The following MTSS1 variants were observed in gnomAD, a reference collection of about 807,000 sequenced individuals.
MTSS1 encodes the protein protein MTSS 1.
MTSS1 carries 18 observed loss-of-function variants against 79.0 expected under a neutral mutation model. That is an observed-to-expected ratio of 0.23 (90% CI 0.16 to 0.34). The LOEUF is 0.34. MTSS1 is among the 10% of genes least tolerant of loss of function. MTSS1 has a pLI of 1.00. For missense variants in MTSS1, 815 were observed against 986.2 expected (o/e 0.83, Z 2.33); for synonymous variants, 341 against 368.6 (o/e 0.93, Z 0.86).
chr8:124,623,216 A>G (rs139563811), intron 3 of MTSS1, among the ~76,000 whole-genome samples: 2 of 152,326 alleles, frequency 1.3e-5, no homozygotes, highest in Admixed American at 1.3e-4. Context: ...TTGTCTTCTG[A>G]ACTCACACAC....
chr8:124,677,994 G>A (rs576237459), intron 3 of MTSS1, among the ~76,000 whole-genome samples: 1 of 152,150 alleles, frequency 6.6e-6, no homozygotes, highest in East Asian at 1.9e-4. Context: ...TCTAGTACTG[G>A]TCATGCTGCC....
At chr8:124,670,807 A>G (rs773924288) in intron 3 of MTSS1, among the ~76,000 whole-genome samples, 4 of 152,190 alleles carry the variant, frequency 2.6e-5, no homozygotes, top group Non-Finnish European at 4.4e-5. Context: ...AAAAGTCCAG[A>G]GACCGCAGAT....
chr8:124,585,311 A>C, intron 5 of MTSS1, 150 bp from the exon 6 acceptor site: 1 of 646,802 alleles, frequency 1.5e-6, no homozygotes, highest in Non-Finnish European at 2.7e-6. Flanking sequence ...TAATCTCATG[A>C]TGACATTTAC....
At chr8:124,674,879 G>C (rs1487989520) in intron 3 of MTSS1, among the ~76,000 whole-genome samples, 3 of 152,014 alleles carry the variant, frequency 2.0e-5, no homozygotes, top group African/African-American at 7.3e-5. Context: ...ATGTCACCAT[G>C]CCTGGTTAAT....
At chr8:124,638,222 T>G (rs929700237) in intron 3 of MTSS1, among the ~76,000 whole-genome samples, 1 of 152,232 alleles carries the variant, frequency 6.6e-6, no homozygotes, top group African/African-American at 2.4e-5. Context: ...TTATTTCACC[T>G]TATCACAGAG....
intron 1 of MTSS1, among the ~76,000 whole-genome samples, chr8:124,717,156 C>T (rs543085025): frequency 1.3e-3 from 204 of 152,232 alleles, no homozygotes; most frequent in African/African-American, 3.6e-3. Context: ...GTTGCTCTAA[C>T]GCCACCTCCT....
At chr8:124,600,768 G>A (rs1423673066) in intron 3 of MTSS1, among the ~76,000 whole-genome samples, 1 of 152,230 alleles carries the variant, frequency 6.6e-6, no homozygotes, top group Non-Finnish European at 1.5e-5. Context: ...GCAAAGGGCA[G>A]CTTTCAAGAA....
chr8:124,701,173 G>A (rs1829644095), intron 2 of MTSS1, among the ~76,000 whole-genome samples: 1 of 152,124 alleles, frequency 6.6e-6, no homozygotes, highest in Non-Finnish European at 1.5e-5. Context: ...GGAGGTCAAG[G>A]GTGCAGTGAG....
Position 124,701,756 on chromosome 8 carries a change from G to A in MTSS1, c.135-2157C>T, listed in dbSNP as rs961706534. Among the ~76,000 whole-genome samples the A allele has an allele frequency of 1.4e-4, 22 of 152,314 alleles. No individual in the cohort carries two copies. In the East Asian group the frequency reaches 1.5e-3, roughly 11 times the overall value. On this transcript the variant is annotated intron_variant, in intron 2 of 13. Coordinates refer to ENST00000518547, the MANE Select transcript of MTSS1 (RefSeq NM_014751.6). ...TGGCAGTCATATTTCACTGTCCGCT[G>A]TAGTCACAAGACATCTTGGCCCTCT...
chr8:124,619,928 A>G (rs1813139019), intron 3 of MTSS1, among the ~76,000 whole-genome samples: 1 of 133,770 alleles, frequency 7.5e-6, no homozygotes, highest in African/African-American at 3.5e-5. Context: ...TTACAGCACA[A>G]CTGTTTTTCT....
chr8:124,555,952 T>C, intron 12 of MTSS1, 48 bp from the exon 13 acceptor site: 21 of 1,572,126 alleles, frequency 1.3e-5, no homozygotes, highest in Non-Finnish European at 1.8e-5. Flanking sequence ...GGGGGGGGGC[T>C]CAACAGCACT....
chr8:124,708,437 T>C (rs1225688484), intron 1 of MTSS1, among the ~76,000 whole-genome samples: 2 of 152,108 alleles, frequency 1.3e-5, no homozygotes, highest in Non-Finnish European at 2.9e-5. Flanking sequence ...CCTTTTAGAG[T>C]ACCTGGTGTG....
intron 3 of MTSS1, among the ~76,000 whole-genome samples, chr8:124,603,539 T>C (rs1834287080): frequency 6.6e-6 from 1 of 152,226 alleles, no homozygotes; most frequent in Non-Finnish European, 1.5e-5. Context: ...ACAAACTGTG[T>C]TCCTCTGGCT....
At chr8:124,619,750 A>C (rs193085370) in intron 3 of MTSS1, among the ~76,000 whole-genome samples, 1 of 152,276 alleles carries the variant, frequency 6.6e-6, no homozygotes, top group African/African-American at 2.4e-5. Context: ...TGGCACCAGA[A>C]GGGCTTCTAG....
intron 3 of MTSS1, among the ~76,000 whole-genome samples, chr8:124,649,432 G>A (rs1254998289): frequency 1.3e-5 from 2 of 152,158 alleles, no homozygotes; most frequent in Admixed American, 6.5e-5. Context: ...TGAGATGGGA[G>A]CTATGCTTCC....
At chr8:124,643,280 A>T (rs1818395656) in intron 3 of MTSS1, among the ~76,000 whole-genome samples, 1 of 152,226 alleles carries the variant, frequency 6.6e-6, no homozygotes, top group Non-Finnish European at 1.5e-5. Context: ...AGCATCATTT[A>T]GAATACTGGA....
intron 3 of MTSS1, among the ~76,000 whole-genome samples, chr8:124,623,396 G>C (rs566123699): frequency 2.2e-4 from 33 of 152,152 alleles, no homozygotes; most frequent in Non-Finnish European, 4.0e-4. Context: ...ATGTGGTTAG[G>C]CTCAATTTTG....
intron 5 of MTSS1, among the ~76,000 whole-genome samples, chr8:124,585,831 C>CAAACAAA (rs1290842444): frequency 6.6e-6 from 1 of 151,590 alleles, no homozygotes; most frequent in African/African-American, 2.4e-5. Context: ...AACAAAAAAA[C>CAAACAAA]AAACAAAAAA....
chr8:124,639,714 T>G (rs1309263202), intron 3 of MTSS1, among the ~76,000 whole-genome samples: 3 of 152,212 alleles, frequency 2.0e-5, no homozygotes, highest in Admixed American at 1.3e-4. Flanking sequence ...TCTGCCTGCT[T>G]CGACCTCCCA....
Sources: allele counts gnomAD v4.1 joint callset (sites outside exome capture counted in the v4.1 genomes callset), GRCh38; gene constraint gnomAD v4.1.1; transcripts MANE v1.5; gene names NCBI Gene and HGNC (gene_info 2026-07-23, HGNC 2026-07-21).